The following SCRN3 variants were observed in gnomAD, a reference collection of about 807,000 sequenced individuals.
The protein encoded by SCRN3 is secernin 3, also known as secernin-3.
In SCRN3, 39 loss-of-function variants were observed where a neutral mutation model predicts 43.1. That is an observed-to-expected ratio of 0.91 (90% CI 0.70 to 1.18). The LOEUF (loss-of-function observed/expected upper bound fraction) is 1.18. Ranked by LOEUF, SCRN3 falls within the 50% of genes most tolerant of loss-of-function variation. SCRN3 has a pLI of 0.00. For missense variants in SCRN3, 484 were observed against 498.0 expected (o/e 0.97, Z 0.27); for synonymous variants, 147 against 163.1 (o/e 0.90, Z 0.75).
chr2:174,404,047 G>A, intron 4 of SCRN3, 56 bp from the exon 5 acceptor site: 2 of 1,355,138 alleles, frequency 1.5e-6, no homozygotes, highest in Non-Finnish European at 2.1e-6. Flanking sequence ...ACAGATACAT[G>A]CTTTATGTTA....
chr2:174,425,659 A>T (rs1323089918), intron 7 of SCRN3, among the ~76,000 whole-genome samples: 4 of 151,976 alleles, frequency 2.6e-5, no homozygotes, highest in Admixed American at 6.5e-5. Flanking sequence ...TTATTTGAAA[A>T]TTTTTATTTA....
intron 7 of SCRN3, among the ~76,000 whole-genome samples, chr2:174,425,917 A>G (rs17255956): frequency 0.15 from 23,430 of 152,076 alleles, 2,269 homozygotes; most frequent in Non-Finnish European, 0.23. Context: ...GCCTTCTCCT[A>G]TGTCTATTGG....
At chr2:174,415,755 G>A (rs917255816) in intron 5 of SCRN3, among the ~76,000 whole-genome samples, 4 of 152,098 alleles carry the variant, frequency 2.6e-5, no homozygotes, top group East Asian at 1.9e-4. Context: ...AGCTATTCTC[G>A]TGCCTCAACC....
intron 5 of SCRN3, among the ~76,000 whole-genome samples, chr2:174,421,231 C>G (rs1325969354): frequency 6.6e-6 from 1 of 152,052 alleles, no homozygotes; most frequent in Admixed American, 6.6e-5. Flanking sequence ...AAAATATCCT[C>G]TAAAAATAGA....
At position 174,427,769 on chromosome 2, in the gene SCRN3, A is replaced by G; in HGVS notation, c.1149A>G (p.Arg383=). The G allele has an allele frequency of 1.9e-6, 3 of 1,612,846 alleles. No homozygotes were observed. The highest frequency in any genetic ancestry group is 2.5e-6 in the Non-Finnish European group (3 of 1,179,132). Residue 383 remains arginine (R), a synonymous_variant, in exon 8 of 8, where the codon AGA becomes AGG. Coordinates refer to ENST00000272732, the MANE Select transcript of SCRN3 (RefSeq NM_024583.5). ...NMRKLEKELF[R]EMESILQNKH... is the part of the protein sequence containing the mutation. ...GGAAACTGGAGAAAGAACTATTCAG[A>G]GAGATGGAATCAATCCTTCAAAACA...
At chr2:174,406,132 T>C (rs1331212246) in intron 5 of SCRN3, among the ~76,000 whole-genome samples, 1 of 137,078 alleles carries the variant, frequency 7.3e-6, no homozygotes, top group Non-Finnish European at 1.7e-5. Flanking sequence ...CTTTTATTTC[T>C]TTGAGCAGTG....
intron 2 of SCRN3, among the ~76,000 whole-genome samples, chr2:174,399,118 G>C (rs1437938001): frequency 6.6e-6 from 1 of 152,174 alleles, no homozygotes; most frequent in African/African-American, 2.4e-5. Flanking sequence ...AACTTAAAAT[G>C]AGAGCTTCAA....
intron 5 of SCRN3, among the ~76,000 whole-genome samples, chr2:174,420,619 T>C (rs1686263345): frequency 6.6e-6 from 1 of 152,160 alleles, no homozygotes; most frequent in South Asian, 2.1e-4. Context: ...ATCAGGGAAC[T>C]GGAGTCTGTA....
intron 5 of SCRN3, among the ~76,000 whole-genome samples, chr2:174,413,744 C>A (rs1197792345): frequency 6.6e-6 from 1 of 151,974 alleles, no homozygotes; most frequent in Non-Finnish European, 1.5e-5. Flanking sequence ...GCACATGTCA[C>A]CATGCCCAGC....
Position 174,395,831 on chromosome 2 carries a change from A to G in SCRN3, c.-10+14A>G. The G allele has an allele frequency of 4.0e-6, 6 of 1,514,518 alleles. No homozygotes were observed. The highest frequency in any genetic ancestry group is 5.3e-6 in the Non-Finnish European group (6 of 1,129,040). The allele number at this position is 1,514,518 out of a possible 1,614,324, so 93.8% of individuals were successfully genotyped here. The stretch of plus-strand genomic sequence containing the variant: ...CTGGGAGGCCAGGTGAGGGGCGCGC[A>G]CGGGGGAGGGGCGTGCATAGTTGAG... On this transcript the variant is annotated intron_variant, in intron 1 of 7. Coordinates refer to ENST00000272732, the MANE Select transcript of SCRN3 (RefSeq NM_024583.5).
chr2:174,411,392 GAAGATGTAGTT>G (rs1156614618), intron 5 of SCRN3, among the ~76,000 whole-genome samples: 3 of 152,158 alleles, frequency 2.0e-5, no homozygotes, highest in Non-Finnish European at 2.9e-5. Context: ...GGGTTCAGTT[GAAGATGTAGTT>G]TCTACGACTA....
At chr2:174,396,189 C>G in intron 1 of SCRN3, 1 of 812,520 alleles carries the variant, frequency 1.2e-6, no homozygotes, top group Non-Finnish European at 1.5e-6. Flanking sequence ...ACAGACAGCT[C>G]TGCAAGAACG....
At chr2:174,419,299 T>G (rs1228020528) in intron 5 of SCRN3, among the ~76,000 whole-genome samples, 1 of 152,254 alleles carries the variant, frequency 6.6e-6, no homozygotes, top group Non-Finnish European at 1.5e-5. Context: ...GTTTTTTTGT[T>G]TCTTTAGAAC....
At chr2:174,427,589 A>G (rs1404281471) in intron 7 of SCRN3, 124 bp from the exon 8 acceptor site, 6 of 486,666 alleles carry the variant, frequency 1.2e-5, no homozygotes, top group Non-Finnish European at 2.1e-5. Flanking sequence ...CTAAAGAACA[A>G]GAAGGGAACC....
intron 5 of SCRN3, among the ~76,000 whole-genome samples, chr2:174,409,803 G>A (rs1442238275): frequency 4.9e-5 from 7 of 142,952 alleles, no homozygotes; most frequent in Admixed American, 2.8e-4. Flanking sequence ...ACTTGAGCAG[G>A]CAGTCTGCCG....
Position 174,427,998 on chromosome 2 carries a change from A to C in SCRN3, c.*103A>C. On this transcript the variant is annotated 3_prime_UTR_variant, in exon 8 of 8. Transcript: ENST00000272732. ...TAAATTATATAAACCTAACTTGAGC[A>C]GATCTGATTATTCTTGGATAGTATT... 2.8e-6 allele frequency: 2 copies of C among 722,200 alleles called. No homozygotes were observed. Among genetic ancestry groups the C allele is most frequent in the South Asian group, 4.4e-5 (2 of 45,804 alleles). 44.7% of individuals were successfully genotyped at this position (722,200 alleles called of 1,614,324 possible).
chr2:174,400,241 G>T, intron 3 of SCRN3, 138 bp downstream of exon 3: 1 of 575,266 alleles, frequency 1.7e-6, no homozygotes, highest in South Asian at 2.9e-5. Context: ...TAAAGTACCG[G>T]CATGCAATTT....
chr2:174,396,395 G>A lies in SCRN3; in HGVS notation c.-10+578G>A, dbSNP rs929263405. 3.1e-5 allele frequency: 27 copies of A among 879,124 alleles called. No individual in the cohort carries two copies. The East Asian group carries it at 2.8e-3, about 90-fold the overall frequency. 54.5% of individuals were successfully genotyped at this position (879,124 alleles called of 1,614,324 possible). On this transcript the variant is annotated intron_variant, in intron 1 of 7. Coordinates refer to ENST00000272732, the MANE Select transcript of SCRN3 (RefSeq NM_024583.5). ...CCTACGACCCCAGTTAGGCAGCTCAGGTTACTATTGCAGCTTGATGGCCCT... is the reference window on the plus strand; with the variant it reads ...CCTACGACCCCAGTTAGGCAGCTCAAGTTACTATTGCAGCTTGATGGCCCT...
At chr2:174,406,504 G>C (rs1482422038) in intron 5 of SCRN3, among the ~76,000 whole-genome samples, 2 of 145,096 alleles carry the variant, frequency 1.4e-5, no homozygotes, top group Admixed American at 1.4e-4. Flanking sequence ...TGTTGAATAG[G>C]AGTGGTCAGA....
Sources: allele counts gnomAD v4.1 joint callset (sites outside exome capture counted in the v4.1 genomes callset), GRCh38; gene constraint gnomAD v4.1.1; transcripts MANE v1.5; gene names NCBI Gene and HGNC (gene_info 2026-07-23, HGNC 2026-07-21).